Variants in ADGRB3 observed in about 807,000 individuals in gnomAD.
ADGRB3 encodes the protein adhesion G protein-coupled receptor B3, also known as brain-specific angiogenesis inhibitor 3.
A neutral mutation model predicts 193.4 loss-of-function variants in ADGRB3; 37 were observed. That is an observed-to-expected ratio of 0.19 (90% CI 0.15 to 0.25). The LOEUF (loss-of-function observed/expected upper bound fraction) is 0.25. Ranked by LOEUF, ADGRB3 falls within the 10% of genes least tolerant of loss-of-function variation. The probability of loss-of-function intolerance (pLI) is 1.00; values close to 1 mark genes in which losing one functional copy is unlikely to be tolerated. For synonymous variants in ADGRB3, 690 were observed against 644.2 expected, an observed-to-expected ratio of 1.07 and a Z score of -1.08; for missense variants, 1,637 against 1,852.9, an observed-to-expected ratio of 0.88 and a Z score of 2.14.
At chr6:69,092,954 G>T (rs1163584315) in intron 17 of ADGRB3, among the ~76,000 whole-genome samples, 2 of 152,032 alleles carry the variant, frequency 1.3e-5, no homozygotes, top group Non-Finnish European at 2.9e-5. Flanking sequence ...GAGATTCAGG[G>T]GTAGAGCAGT....
intron 8 of ADGRB3, among the ~76,000 whole-genome samples, chr6:68,970,554 CCT>C (rs1440551354): frequency 6.6e-6 from 1 of 152,152 alleles, no homozygotes; most frequent in African/African-American, 2.4e-5. Context: ...GATCTGCCCG[CCT>C]TGGCCTCCCA....
At chr6:69,298,517 T>A (rs1294136510) in intron 20 of ADGRB3, among the ~76,000 whole-genome samples, 1 of 151,944 alleles carries the variant, frequency 6.6e-6, no homozygotes, top group African/African-American at 2.4e-5. Flanking sequence ...CCATTAAGCA[T>A]CTCCTCTTTA....
chr6:69,188,901 G>A lies in ADGRB3; in HGVS notation c.2481-44389G>A, dbSNP rs185245774. Among the ~76,000 whole-genome samples, 292 of 151,972 alleles carry A rather than the reference G, an allele frequency of 1.9e-3. 4 individuals are homozygous for A. The highest frequency in any genetic ancestry group is 4.9e-3 in the Admixed American group (75 of 15,248). ...CAAATACTGAAATTTAATTATAAATGCCTTTTTATATGTATCTGCAGTAAA... is the reference window on the plus strand; with the variant it reads ...CAAATACTGAAATTTAATTATAAATACCTTTTTATATGTATCTGCAGTAAA... On this transcript the variant is annotated intron_variant, in intron 17 of 31. Transcript: ENST00000370598.
chr6:68,857,605 G>A (rs1329260765), intron 3 of ADGRB3, among the ~76,000 whole-genome samples: 2 of 152,198 alleles, frequency 1.3e-5, no homozygotes. Context: ...TTGTATCTAG[G>A]AAGTAACTAA....
chr6:69,210,377 A>G (rs1464435235), intron 17 of ADGRB3, among the ~76,000 whole-genome samples: 2 of 151,624 alleles, frequency 1.3e-5, no homozygotes, highest in Non-Finnish European at 2.9e-5. Context: ...TGCCTACTTC[A>G]TATTCTAGCT....
chr6:68,880,584 A>G (rs1765706050), intron 3 of ADGRB3, among the ~76,000 whole-genome samples: 1 of 152,174 alleles, frequency 6.6e-6, no homozygotes, highest in South Asian at 2.1e-4. Flanking sequence ...AAGCTAATTC[A>G]TACTACAGCG....
rs76576635 is a variant in ADGRB3, at chr6:68,725,727, G to A, written c.757+86295G>A. ...GGTTAGAGTGAAAATCAAGATTTGAGCATTATTAGCAACTGCAAGTGGTGG... is the reference window on the plus strand; with the variant it reads ...GGTTAGAGTGAAAATCAAGATTTGAACATTATTAGCAACTGCAAGTGGTGG... On this transcript the variant is annotated intron_variant, in intron 3 of 31. Transcript: ENST00000370598. Among the ~76,000 whole-genome samples the A allele has an allele frequency of 6.7e-3, 1,017 of 151,668 alleles. 11 individuals carry two copies. The highest frequency in any genetic ancestry group is 0.023 in the African/African-American group (959 of 41,464).
At chr6:68,902,692 A>G (rs1265708100) in intron 3 of ADGRB3, among the ~76,000 whole-genome samples, 1 of 152,072 alleles carries the variant, frequency 6.6e-6, no homozygotes, top group African/African-American at 2.4e-5. Flanking sequence ...TGAAAAAAAT[A>G]CATGTAACCA....
intron 13 of ADGRB3, among the ~76,000 whole-genome samples, chr6:69,032,569 A>G (rs1770744440): frequency 6.6e-6 from 1 of 152,236 alleles, no homozygotes; most frequent in African/African-American, 2.4e-5. Context: ...GACTCCCTTT[A>G]ACAAATTTTC....
At chr6:68,695,936 C>T (rs1175259547) in intron 3 of ADGRB3, among the ~76,000 whole-genome samples, 4 of 151,950 alleles carry the variant, frequency 2.6e-5, no homozygotes, top group Non-Finnish European at 4.4e-5. Flanking sequence ...CTTGGCTTCC[C>T]CCATTTGCAT....
At chr6:68,691,437 T>C (rs1765069484) in intron 3 of ADGRB3, among the ~76,000 whole-genome samples, 1 of 152,034 alleles carries the variant, frequency 6.6e-6, no homozygotes, top group Non-Finnish European at 1.5e-5. Flanking sequence ...TTGAAATTGA[T>C]GTGGCTATGG....
chr6:68,837,250 C>T (rs72901280), intron 3 of ADGRB3, among the ~76,000 whole-genome samples: 12 of 152,132 alleles, frequency 7.9e-5, no homozygotes, highest in African/African-American at 2.9e-4. Flanking sequence ...AAACCTGCTG[C>T]TTTTGATACT....
chr6:69,147,673 A>C (rs1774544107), intron 17 of ADGRB3, among the ~76,000 whole-genome samples: 1 of 152,184 alleles, frequency 6.6e-6, no homozygotes, highest in South Asian at 2.1e-4. Flanking sequence ...GGCTATATTG[A>C]AGCTGAGTCT....
intron 17 of ADGRB3, among the ~76,000 whole-genome samples, chr6:69,121,980 C>A (rs1323738237): frequency 2.2e-5 from 1 of 45,786 alleles, no homozygotes; most frequent in Non-Finnish European, 5.5e-5. Context: ...CGATGGGCGG[C>A]CAGGCAGAGA....
chr6:69,122,566 C>A (rs546809063), intron 17 of ADGRB3, among the ~76,000 whole-genome samples: 1 of 146,718 alleles, frequency 6.8e-6, no homozygotes, highest in South Asian at 2.2e-4. Context: ...AGGCTTGTTT[C>A]TCTTACTTCA....
At chr6:68,811,372 C>A (rs1484346180) in intron 3 of ADGRB3, among the ~76,000 whole-genome samples, 2 of 152,008 alleles carry the variant, frequency 1.3e-5, no homozygotes, top group Non-Finnish European at 2.9e-5. Flanking sequence ...AATATGATAA[C>A]AAAAATAAGG....
chr6:68,932,031 T>C (rs80142491), intron 4 of ADGRB3, among the ~76,000 whole-genome samples: 4,507 of 152,268 alleles, frequency 0.03, 203 homozygotes, highest in African/African-American at 0.1. Flanking sequence ...AATTTCTAAA[T>C]GTATTTCTCT....
intron 13 of ADGRB3, among the ~76,000 whole-genome samples, chr6:69,027,073 A>G (rs998577870): frequency 1.3e-5 from 2 of 152,172 alleles, no homozygotes; most frequent in African/African-American, 4.8e-5. Flanking sequence ...CTTTTACTTT[A>G]TAAACTTTTT....
intron 3 of ADGRB3, among the ~76,000 whole-genome samples, chr6:68,765,569 C>CAA (rs1766493471): frequency 6.6e-6 from 1 of 151,640 alleles, no homozygotes; most frequent in Non-Finnish European, 1.5e-5. Flanking sequence ...CACACACACA[C>CAA]ACACACACCT....
Sources: gnomAD v4.1 joint callset for allele counts (sites outside exome capture counted in the v4.1 genomes callset) on GRCh38, gnomAD v4.1.1 for gene constraint, MANE v1.5 for transcripts, NCBI Gene and HGNC (gene_info 2026-07-23, HGNC 2026-07-21) for gene names.